Variants in CTNND2 observed in about 807,000 individuals in gnomAD.
CTNND2 encodes catenin delta-2.
A neutral mutation model predicts 144.4 loss-of-function variants in CTNND2; 22 were observed. The observed-to-expected ratio is 0.15, with a 90% CI of 0.11 to 0.22. The LOEUF (loss-of-function observed/expected upper bound fraction) is 0.22. Ranked by LOEUF, CTNND2 falls within the 10% of genes least tolerant of loss-of-function variation. CTNND2 has a pLI of 1.00. For synonymous variants in CTNND2, 751 were observed against 695.6 expected (o/e 1.08, Z -1.25); for missense variants, 1,353 against 1,618.8 (o/e 0.84, Z 2.82).
intron 1 of CTNND2, among the ~76,000 whole-genome samples, chr5:11,826,783 A>C (rs1793625509): frequency 6.6e-6 from 1 of 152,078 alleles, no homozygotes; most frequent in African/African-American, 2.4e-5. Flanking sequence ...AGACATAAGA[A>C]TCCAATCTAT....
chr5:11,693,591 A>C (rs1315656797), intron 2 of CTNND2, among the ~76,000 whole-genome samples: 7 of 152,240 alleles, frequency 4.6e-5, no homozygotes, highest in African/African-American at 1.7e-4. Context: ...ACAAATCTTC[A>C]ATGCAATGGA....
intron 2 of CTNND2, among the ~76,000 whole-genome samples, chr5:11,585,069 G>C (rs1251197681): frequency 6.6e-6 from 1 of 152,194 alleles, no homozygotes; most frequent in East Asian, 1.9e-4. Context: ...CACAGTGGAA[G>C]GAACAGGCAG....
At chr5:11,673,017 C>T (rs114391969) in intron 2 of CTNND2, among the ~76,000 whole-genome samples, 231 of 152,252 alleles carry the variant, frequency 1.5e-3, no homozygotes, top group African/African-American at 5.5e-3. Flanking sequence ...ATCGATCTTG[C>T]TGGGAGCTGC....
chr5:11,485,224 T>C (rs1768683798), intron 3 of CTNND2, among the ~76,000 whole-genome samples: 1 of 152,128 alleles, frequency 6.6e-6, no homozygotes, highest in Non-Finnish European at 1.5e-5. Context: ...AGAATTGTTA[T>C]TGGAAGAGTG....
At chr5:11,459,298 T>C (rs1460678073) in intron 3 of CTNND2, among the ~76,000 whole-genome samples, 4 of 152,028 alleles carry the variant, frequency 2.6e-5, no homozygotes, top group Non-Finnish European at 5.9e-5. Flanking sequence ...ACCAGAGTTC[T>C]AGATTTTCAT....
intron 9 of CTNND2, among the ~76,000 whole-genome samples, chr5:11,311,727 C>T (rs1258572123): frequency 6.7e-6 from 1 of 148,754 alleles, no homozygotes; most frequent in Non-Finnish European, 1.5e-5. Context: ...CCCATGCACC[C>T]TCACCTCACA....
intron 9 of CTNND2, among the ~76,000 whole-genome samples, chr5:11,285,398 G>T (rs1441508234): frequency 6.6e-6 from 1 of 152,130 alleles, no homozygotes; most frequent in Non-Finnish European, 1.5e-5. Flanking sequence ...TCCAGCTCTG[G>T]TTCTTTCACA....
At chr5:11,828,017 A>C (rs1793690147) in intron 1 of CTNND2, among the ~76,000 whole-genome samples, 1 of 152,202 alleles carries the variant, frequency 6.6e-6, no homozygotes, top group Non-Finnish European at 1.5e-5. Flanking sequence ...GGCTGACTAC[A>C]TGCAGCCAGA....
intron 1 of CTNND2, among the ~76,000 whole-genome samples, chr5:11,890,585 G>A (rs1486535470): frequency 6.6e-6 from 1 of 152,124 alleles, no homozygotes; most frequent in Non-Finnish European, 1.5e-5. Flanking sequence ...CTACTTAGAT[G>A]CCAGGTATGC....
intron 16 of CTNND2, among the ~76,000 whole-genome samples, chr5:11,071,169 G>A (rs1030940264): frequency 6.6e-6 from 1 of 152,192 alleles, no homozygotes; most frequent in Non-Finnish European, 1.5e-5. Context: ...GTTCCAGCAA[G>A]TTTGGAAGAG....
rs75721021 is a variant in CTNND2 at position 11,616,899 on chromosome 5, G to A, written c.175-51843C>T. 1.2e-3 allele frequency among the ~76,000 whole-genome samples: 184 copies of A among 152,180 alleles called. 2 individuals carry two copies. The East Asian group carries it at 0.031, about 25-fold the overall frequency. On this transcript the variant is annotated intron_variant, in intron 2 of 21. Transcript: ENST00000304623. ...TGGGATTACAGCCGTGAGCCACTGC[G>A]CCCAGCCCTGTTTGCTGTTTCTTTT...
chr5:11,155,244 C>T (rs550491456), intron 12 of CTNND2, among the ~76,000 whole-genome samples: 8 of 152,226 alleles, frequency 5.3e-5, no homozygotes, highest in South Asian at 2.1e-4. Context: ...TTTGATCACA[C>T]GATGTGCAAG....
At chr5:11,137,935 T>C (rs1389433380) in intron 12 of CTNND2, among the ~76,000 whole-genome samples, 2 of 152,208 alleles carry the variant, frequency 1.3e-5, no homozygotes, top group East Asian at 1.9e-4. Flanking sequence ...AGTTCTCTCT[T>C]ATTACAGGTT....
chr5:11,305,862 T>C (rs936020933), intron 9 of CTNND2, among the ~76,000 whole-genome samples: 3 of 152,170 alleles, frequency 2.0e-5, no homozygotes, highest in African/African-American at 7.2e-5. Context: ...GAGAATGTCC[T>C]AGGCAGAGGG....
At position 11,376,324 on chromosome 5, in the gene CTNND2, G is replaced by GTGTGTGTGTGTGTTCATGTATC. The variant is rs1554044789; in HGVS notation, c.1177+8340_1177+8341insGATACATGAACACACACACACA. The stretch of plus-strand genomic sequence containing the variant: ...GTGATGAATGCCTTTGTGTGTGTGT[G>GTGTGTGTGTGTGTTCATGTATC]TGTGTGTGTGTGTGTGTGTGTGTAT... On this transcript the variant is annotated intron_variant, in intron 7 of 21. Transcript: ENST00000304623. Among the ~76,000 whole-genome samples, 304 of 149,242 alleles carry GTGTGTGTGTGTGTTCATGTATC rather than the reference G, an allele frequency of 2.0e-3. 1 individual carries two copies. Among genetic ancestry groups the GTGTGTGTGTGTGTTCATGTATC allele is most frequent in the African/African-American group, 7.0e-3 (286 of 40,580 alleles).
intron 11 of CTNND2, among the ~76,000 whole-genome samples, chr5:11,198,676 C>T (rs1189602038): frequency 6.6e-6 from 1 of 152,136 alleles, no homozygotes; most frequent in African/African-American, 2.4e-5. Flanking sequence ...CCAAATATCA[C>T]CTAGAATGGC....
intron 1 of CTNND2, among the ~76,000 whole-genome samples, chr5:11,852,716 AG>A (rs1795074087): frequency 6.6e-6 from 1 of 152,234 alleles, no homozygotes; most frequent in African/African-American, 2.4e-5. Flanking sequence ...CTGACCCTTT[AG>A]AAACAGAAGT....
chr5:11,748,105 A>G (rs1408128948), intron 1 of CTNND2, among the ~76,000 whole-genome samples: 1 of 152,122 alleles, frequency 6.6e-6, no homozygotes, highest in East Asian at 1.9e-4. Context: ...AATTAACTAT[A>G]AAACCGAGTT....
At chr5:11,780,012 AT>A (rs1790457941) in intron 1 of CTNND2, among the ~76,000 whole-genome samples, 1 of 152,138 alleles carries the variant, frequency 6.6e-6, no homozygotes, top group Non-Finnish European at 1.5e-5. Context: ...CAGGGCCTCC[AT>A]TTAACCTTCC....
Sources: allele counts gnomAD v4.1 joint callset (sites outside exome capture counted in the v4.1 genomes callset), GRCh38; gene constraint gnomAD v4.1.1; transcripts MANE v1.5; gene names NCBI Gene and HGNC (gene_info 2026-07-23, HGNC 2026-07-21).